ST7: variants seen among roughly 807,000 people sequenced by gnomAD.
The protein encoded by ST7 is suppression of tumorigenicity 7.
A neutral mutation model predicts 78.7 loss-of-function variants in ST7; 28 were observed. That is an observed-to-expected ratio of 0.36 (90% CI 0.26 to 0.49). The LOEUF (loss-of-function observed/expected upper bound fraction) is 0.49, where lower values mean the gene tolerates loss of function less well. Ranked by LOEUF, ST7 falls within the 20% of genes least tolerant of loss-of-function variation. The probability of loss-of-function intolerance (pLI) is 0.99; values close to 1 mark genes in which losing one functional copy is unlikely to be tolerated. For synonymous variants in ST7, 247 were observed against 249.6 expected (o/e 0.99, Z 0.10); for missense variants, 418 against 696.0 (o/e 0.60, Z 4.49).
At chr7:117,197,486 C>T (rs1265108054) in intron 12 of ST7, among the ~76,000 whole-genome samples, 1 of 152,144 alleles carries the variant, frequency 6.6e-6, no homozygotes, top group East Asian at 1.9e-4. Context: ...ACTTAAGGCT[C>T]TTGATATTGC....
chr7:117,185,586 A>G (rs952136184), intron 10 of ST7, among the ~76,000 whole-genome samples: 1 of 152,160 alleles, frequency 6.6e-6, no homozygotes, highest in Non-Finnish European at 1.5e-5. Context: ...TATACACAAT[A>G]TTTTTTCATA....
chr7:117,098,297 T>C (rs1801277301), intron 1 of ST7, among the ~76,000 whole-genome samples: 1 of 151,826 alleles, frequency 6.6e-6, no homozygotes, highest in African/African-American at 2.4e-5. Context: ...CCTTGGCATC[T>C]TGAGGCAGGT....
intron 13 of ST7, among the ~76,000 whole-genome samples, chr7:117,211,357 G>A (rs1408105974): frequency 6.6e-6 from 1 of 152,174 alleles, no homozygotes; most frequent in East Asian, 1.9e-4. Context: ...GTGTGTGTGA[G>A]CATGGTCATG....
chr7:117,213,754 C>G (rs1792472674), intron 13 of ST7, among the ~76,000 whole-genome samples: 2 of 152,112 alleles, frequency 1.3e-5, no homozygotes, highest in Non-Finnish European at 2.9e-5. Context: ...ATACGTTCCT[C>G]AAAGTCAAGA....
At chr7:116,996,169 C>T (rs35057858) in intron 1 of ST7, among the ~76,000 whole-genome samples, 77,602 of 150,980 alleles carry the variant, frequency 0.51, 20,931 homozygotes, top group Non-Finnish European at 0.6. Flanking sequence ...GCAACCTCCA[C>T]CTCCTGGGTT....
At chr7:117,208,896 TGTGTGG>T (rs1222205727) in intron 12 of ST7, among the ~76,000 whole-genome samples, 37 of 96,492 alleles carry the variant, frequency 3.8e-4, no homozygotes, top group African/African-American at 6.5e-4. Context: ...GGTGGGTGTA[TGTGTGG>T]GTGTGTGTGT....
intron 12 of ST7, among the ~76,000 whole-genome samples, 186 bp from the exon 13 acceptor site, chr7:117,209,601 T>C (rs1206703189): frequency 6.6e-6 from 1 of 152,228 alleles, no homozygotes; most frequent in Non-Finnish European, 1.5e-5. Flanking sequence ...ACAAGGCTAA[T>C]CATCTGTCAG....
At chr7:117,160,389 G>C (rs1330812917) in intron 9 of ST7, among the ~76,000 whole-genome samples, 1 of 151,956 alleles carries the variant, frequency 6.6e-6, no homozygotes, top group African/African-American at 2.4e-5. Context: ...TGGGAGCTAG[G>C]TGTTATCCCC....
At chr7:117,191,168 G>A (rs557666264) in intron 12 of ST7, among the ~76,000 whole-genome samples, 2 of 152,278 alleles carry the variant, frequency 1.3e-5, no homozygotes, top group East Asian at 1.9e-4. Flanking sequence ...GATAGACCTC[G>A]CTTAGGCAGG....
At chr7:116,958,565 T>A (rs1168859064) in intron 1 of ST7, 1 of 470,028 alleles carries the variant, frequency 2.1e-6, no homozygotes, top group South Asian at 1.6e-5. Context: ...CTTCCCTATC[T>A]GTAAATCCCA....
rs545873064 is a variant in ST7 at position 117,211,771 on chromosome 7, TG to T, written c.1405+1838del. 2.4e-4 allele frequency among the ~76,000 whole-genome samples: 36 copies of T among 152,042 alleles called. No individual in the cohort carries two copies. The East Asian group carries it at 6.8e-3, about 29-fold the overall frequency. ...AGTTATCCATGTGGTCAGATAACAGTGGGGAGATGATCTGATCAACTGGAAG... is the reference window on the plus strand; with the variant it reads ...AGTTATCCATGTGGTCAGATAACAGTGGGAGATGATCTGATCAACTGGAAG... On this transcript the variant is annotated intron_variant, in intron 13 of 15. Transcript: ENST00000323984.
At position 117,219,198 on chromosome 7, in the gene ST7, C is replaced by A. The variant is rs755640452; in HGVS notation, c.1498+22C>A. 1 of 1,577,412 alleles carries A rather than the reference C, an allele frequency of 6.3e-7. No homozygotes were observed. Among genetic ancestry groups the A allele is most frequent in the South Asian group, 1.1e-5 (1 of 88,630 alleles). On this transcript the variant is annotated intron_variant, in intron 14 of 15. Transcript: ENST00000323984. The surrounding 1 kb of genome is among the most constrained non-coding windows in gnomAD (Gnocchi z 5.1). ...CCATGTAAGTCTCACCTCTCTTCAG[C>A]CAGTGAGGGTGTGTGGTGAAAGGTG...
At chr7:117,177,690 C>T (rs746989389) in intron 10 of ST7, among the ~76,000 whole-genome samples, 2 of 152,202 alleles carry the variant, frequency 1.3e-5, no homozygotes, top group Non-Finnish European at 2.9e-5. Context: ...ATTGAACTCC[C>T]AAGTGGCACA....
At chr7:117,000,828 A>G (rs1033135753) in intron 1 of ST7, among the ~76,000 whole-genome samples, 9 of 152,246 alleles carry the variant, frequency 5.9e-5, no homozygotes, top group African/African-American at 2.2e-4. Context: ...TAAAATACCA[A>G]TAACACCCTC....
At position 116,959,359 on chromosome 7, in the gene ST7, T is replaced by C. The variant is rs568180350; in HGVS notation, c.151+5668T>C. ...TATCTTATATGAATTATGGTATATG[T>C]GTGTGATATATGTGGGTCAGTGTTT... On this transcript the variant is annotated intron_variant, in intron 1 of 15. Coordinates refer to ENST00000323984, the MANE Select transcript of ST7 (RefSeq NM_001369598.1). 441 of 434,026 alleles carry C rather than the reference T, an allele frequency of 1.0e-3. 5 individuals are homozygous for C. The highest frequency in any genetic ancestry group is 7.5e-3 in the South Asian group (431 of 57,492). 26.9% of individuals were successfully genotyped at this position (434,026 alleles called of 1,614,324 possible).
chr7:116,992,801 T>G (rs2116393714), intron 1 of ST7, among the ~76,000 whole-genome samples: 1 of 152,344 alleles, frequency 6.6e-6, no homozygotes, highest in Middle Eastern at 3.4e-3. Context: ...AATGGAATGC[T>G]TTTAACAGCA....
chr7:117,020,540 G>C, intron 1 of ST7: 1 of 1,538,940 alleles, frequency 6.5e-7, no homozygotes, highest in Admixed American at 2.0e-5. Context: ...CACTCTCCTC[G>C]CTTTTCTTTC....
chr7:117,067,818 G>A (rs188054266), intron 1 of ST7, among the ~76,000 whole-genome samples: 3 of 152,282 alleles, frequency 2.0e-5, no homozygotes, highest in South Asian at 2.1e-4. Context: ...ACAGTGCTTT[G>A]TCTCAACTTT....
At chr7:117,222,799 A>G in intron 15 of ST7, 1 of 1,249,890 alleles carries the variant, frequency 8.0e-7, no homozygotes, top group Non-Finnish European at 1.2e-6. Context: ...TCAGATTTCA[A>G]GGCGAGTGCA....
Sources: allele counts gnomAD v4.1 joint callset (sites outside exome capture counted in the v4.1 genomes callset), GRCh38; gene constraint gnomAD v4.1.1; non-coding constraint Gnocchi (gnomAD v3.1); transcripts MANE v1.5; gene names NCBI Gene and HGNC (gene_info 2026-07-23, HGNC 2026-07-21).